The following CRIM1 variants were observed in gnomAD, a reference collection of about 807,000 sequenced individuals.
CRIM1 encodes the protein cysteine rich transmembrane BMP regulator 1.
In CRIM1, 32 loss-of-function variants were observed where a neutral mutation model predicts 116.4. That is an observed-to-expected ratio of 0.27 (90% confidence interval 0.21 to 0.37). The LOEUF (loss-of-function observed/expected upper bound fraction) is 0.37, where lower values mean the gene tolerates loss of function less well. Ranked by LOEUF, CRIM1 falls within the 10% of genes least tolerant of loss-of-function variation. CRIM1 has a pLI of 1.00. For synonymous variants in CRIM1, 590 were observed against 509.2 expected (o/e 1.16, Z -2.13); for missense variants, 1,331 against 1,354.8 (o/e 0.98, Z 0.28).
At chr2:36,441,575 G>T in intron 3 of CRIM1, 75 bp downstream of exon 3, 1 of 1,547,288 alleles carries the variant, frequency 6.5e-7, no homozygotes, top group Non-Finnish European at 8.7e-7. Context: ...AGCCACCCCT[G>T]GCCTCTCCTT....
chr2:36,462,644 G>A (rs535014377), intron 4 of CRIM1, among the ~76,000 whole-genome samples: 1 of 152,206 alleles, frequency 6.6e-6, no homozygotes, highest in East Asian at 1.9e-4. Flanking sequence ...TAGAAGATTT[G>A]TAAGAGAAGG....
At chr2:36,442,298 T>A (rs992188519) in intron 3 of CRIM1, among the ~76,000 whole-genome samples, 1 of 152,142 alleles carries the variant, frequency 6.6e-6, no homozygotes, top group Non-Finnish European at 1.5e-5. Context: ...TGATCCTTTG[T>A]CCGTCTCTTG....
At chr2:36,503,989 G>A (rs1006669124) in intron 8 of CRIM1, among the ~76,000 whole-genome samples, 2 of 151,954 alleles carry the variant, frequency 1.3e-5, no homozygotes, top group African/African-American at 4.8e-5. Context: ...TCCCACCTGA[G>A]CCTCCCAAGT....
At chr2:36,401,168 A>T (rs1339153738) in intron 2 of CRIM1, among the ~76,000 whole-genome samples, 1 of 152,202 alleles carries the variant, frequency 6.6e-6, no homozygotes, top group Non-Finnish European at 1.5e-5. Context: ...ATTTCTGGGC[A>T]TTGAAAAAGT....
chr2:36,377,464 T>G (rs1256959401), intron 1 of CRIM1, among the ~76,000 whole-genome samples: 1 of 152,208 alleles, frequency 6.6e-6, no homozygotes, highest in Non-Finnish European at 1.5e-5. Context: ...CAGAAGCCAG[T>G]GCATAGTCCA....
At chr2:36,376,900 G>A (rs1309165399) in intron 1 of CRIM1, among the ~76,000 whole-genome samples, 3 of 152,186 alleles carry the variant, frequency 2.0e-5, no homozygotes, top group African/African-American at 7.2e-5. Flanking sequence ...ATGGAGTTGT[G>A]GGATTTTGGA....
chr2:36,418,577 G>A (rs976489432), intron 2 of CRIM1, among the ~76,000 whole-genome samples: 2 of 152,156 alleles, frequency 1.3e-5, no homozygotes, highest in Admixed American at 1.3e-4. Flanking sequence ...GTGAGCCACC[G>A]TGCCCAGCCA....
intron 2 of CRIM1, 52 bp downstream of exon 2, chr2:36,396,839 A>G: frequency 7.0e-7 from 1 of 1,438,630 alleles, no homozygotes; most frequent in East Asian, 2.3e-5. Context: ...GCATTATGTA[A>G]CCCTGAGTAG....
intron 1 of CRIM1, among the ~76,000 whole-genome samples, chr2:36,393,840 G>A (rs376269427): frequency 6.6e-6 from 1 of 152,332 alleles, no homozygotes; most frequent in South Asian, 2.1e-4. Context: ...GGATGTGAGA[G>A]CGACTGGTGA....
At chr2:36,388,524 A>G (rs993684594) in intron 1 of CRIM1, among the ~76,000 whole-genome samples, 15 of 152,190 alleles carry the variant, frequency 9.9e-5, no homozygotes, top group Admixed American at 2.6e-4. Flanking sequence ...TATCCATTCT[A>G]TGTCCTTTTT....
chr2:36,438,739 C>T (rs962008231), intron 2 of CRIM1, among the ~76,000 whole-genome samples: 5 of 152,120 alleles, frequency 3.3e-5, no homozygotes, highest in African/African-American at 9.7e-5. Flanking sequence ...AGGAGCTGTG[C>T]CCAGAGAAAT....
intron 14 of CRIM1, among the ~76,000 whole-genome samples, chr2:36,541,886 C>A (rs12620267): frequency 0.37 from 56,501 of 151,702 alleles, 10,757 homozygotes; most frequent in East Asian, 0.59. Context: ...CCATAGAAGG[C>A]GGCCTGGGTC....
chr2:36,386,232 C>T (rs1671156065), intron 1 of CRIM1, among the ~76,000 whole-genome samples: 1 of 152,110 alleles, frequency 6.6e-6, no homozygotes, highest in African/African-American at 2.4e-5. Context: ...TAACGTGTGT[C>T]ACATTATCTA....
At position 36,529,672 on chromosome 2, in the gene CRIM1, A is replaced by G. The variant is rs114830391; in HGVS notation, c.2428+7359A>G. 8.7e-3 allele frequency among the ~76,000 whole-genome samples: 1,319 copies of G among 152,310 alleles called. 19 individuals are homozygous for G. Among genetic ancestry groups the G allele is most frequent in the African/African-American group, 0.03 (1,267 of 41,558 alleles). ...ATGCTTAACACAAGGAGTAAGCTCT[A>G]TTACTGAGAAATTGTGTCCTCTGCA... On this transcript the variant is annotated intron_variant, in intron 13 of 16. Coordinates refer to ENST00000280527, the MANE Select transcript of CRIM1 (RefSeq NM_016441.3).
intron 1 of CRIM1, among the ~76,000 whole-genome samples, chr2:36,391,408 G>A (rs149495284): frequency 5.3e-5 from 8 of 152,114 alleles, no homozygotes; most frequent in African/African-American, 1.2e-4. Flanking sequence ...GATTACAAGC[G>A]TGAGCCACCG....
intron 2 of CRIM1, among the ~76,000 whole-genome samples, chr2:36,428,050 T>C (rs192589682): frequency 3.9e-5 from 6 of 152,388 alleles, no homozygotes; most frequent in East Asian, 1.9e-4. Context: ...AAAGGAACTT[T>C]GTAATCAAAC....
intron 1 of CRIM1, among the ~76,000 whole-genome samples, chr2:36,371,772 T>C (rs1024552788): frequency 3.3e-5 from 5 of 152,318 alleles, no homozygotes; most frequent in African/African-American, 1.2e-4. Context: ...TTATAGGAAT[T>C]TTCCTCGTGG....
In CRIM1 at chr2:36,546,997, C is replaced by T. The variant is rs1346496617; in HGVS notation, c.2760C>T (p.Leu920=). ...IVHLPRDMGH[L]QVDYRDNRLH... Reference sequence around the variant, plus strand: ...TTTTTCTCCTAGATATGGGTCACCTCCAGGTAGATTACAGAGATAACAGGC... The same window carrying T: ...TTTTTCTCCTAGATATGGGTCACCTTCAGGTAGATTACAGAGATAACAGGC... The change falls in exon 16 of 17, where the codon CTC becomes CTT. Residue 920 remains leucine (L), a synonymous_variant. Coordinates refer to ENST00000280527, the MANE Select transcript of CRIM1 (RefSeq NM_016441.3). 2.5e-6 allele frequency: 4 copies of T among 1,605,122 alleles called. No individual in the cohort carries two copies. In the South Asian group the frequency reaches 3.3e-5, roughly 13 times the overall value.
chr2:36,365,397 G>T (rs936987475), intron 1 of CRIM1, among the ~76,000 whole-genome samples: 1 of 152,226 alleles, frequency 6.6e-6, no homozygotes, highest in African/African-American at 2.4e-5. Context: ...CAAGGATATA[G>T]CCAGGCCAGG....
Sources: allele counts gnomAD v4.1 joint callset (sites outside exome capture counted in the v4.1 genomes callset), GRCh38; gene constraint gnomAD v4.1.1; transcripts MANE v1.5; gene names NCBI Gene and HGNC (gene_info 2026-07-23, HGNC 2026-07-21).